PCDHA6: variants seen among roughly 807,000 people sequenced by gnomAD.
The protein encoded by PCDHA6 is protocadherin alpha-6.
PCDHA6 carries 55 observed loss-of-function variants against 60.3 expected under a neutral mutation model. The ratio of observed to expected loss-of-function variants is 0.91; its 90% CI spans 0.73 to 1.14. PCDHA6 has a LOEUF of 1.14. Ranked by LOEUF, PCDHA6 falls within the 50% of genes most tolerant of loss-of-function variation. The pLI is 0.00. For missense variants in PCDHA6, 1,327 were observed against 1,256.5 expected, an observed-to-expected ratio of 1.06 and a Z score of -0.85; for synonymous variants, 652 against 557.9, an observed-to-expected ratio of 1.17 and a Z score of -2.38.
intron 1 of PCDHA6, chr5:140,877,379 TC>T (rs1169435329): frequency 1.9e-6 from 3 of 1,613,950 alleles, no homozygotes. Flanking sequence ...ACGACACGCA[TC>T]CTGGATGAGG....
intron 1 of PCDHA6, chr5:140,841,595 C>A (rs2150318765): frequency 1.9e-6 from 3 of 1,614,058 alleles, no homozygotes; most frequent in Non-Finnish European, 2.5e-6. Flanking sequence ...TCGGATCGAC[C>A]GCGAGGAGCT....
intron 1 of PCDHA6, chr5:140,883,393 C>T (rs781845683): frequency 1.2e-6 from 2 of 1,614,160 alleles, no homozygotes; most frequent in South Asian, 2.2e-5. Flanking sequence ...TCAGTGTGTC[C>T]GATCGTGACT....
intron 1 of PCDHA6, chr5:140,864,380 A>C (rs1581715525): frequency 6.6e-6 from 1 of 152,354 alleles, no homozygotes; most frequent in East Asian, 1.9e-4. Flanking sequence ...CGATAAGTTT[A>C]TCTCTCACAA....
chr5:140,984,365 C>G (rs2097099251), intron 3 of PCDHA6, among the ~76,000 whole-genome samples: 1 of 152,128 alleles, frequency 6.6e-6, no homozygotes. Flanking sequence ...TACATCTGGC[C>G]AAGTCCCTCT....
chr5:140,853,169 G>C lies in PCDHA6; in HGVS notation c.2394+22684G>C, dbSNP rs1002466846. 32 of 959,704 alleles carry C rather than the reference G, an allele frequency of 3.3e-5. 1 individual carries two copies. The South Asian group carries it at 1.3e-3, about 40-fold the overall frequency. 59.4% of individuals were successfully genotyped at this position (959,704 alleles called of 1,614,324 possible). ...GCTGGGATTACAGGCGTGAGCCACC[G>C]CGCCTGGCCTAAAATGTGTTCTTTA... On this transcript the variant is annotated intron_variant, in intron 1 of 3. Transcript: ENST00000529310.
At chr5:140,975,027 C>G (rs1235916815) in intron 1 of PCDHA6, among the ~76,000 whole-genome samples, 1 of 152,082 alleles carries the variant, frequency 6.6e-6, no homozygotes, top group Non-Finnish European at 1.5e-5. Flanking sequence ...GCTGTGTTGT[C>G]CTTTGCAGGC....
Position 140,828,334 on chromosome 5 carries a change from T to C in PCDHA6, c.243T>C (p.Asn81=), listed in dbSNP as rs2150154149. ...ACCTTCTGGAGGTAAATCTGCAGAATGGCATTTTGTTTGTGAATTCTCGGA... is the reference window on the plus strand; with the variant it reads ...ACCTTCTGGAGGTAAATCTGCAGAACGGCATTTTGTTTGTGAATTCTCGGA... The part of the protein sequence containing the change: ...REDLLEVNLQ[N]GILFVNSRID... The change falls in exon 1 of 4, where the codon AAT becomes AAC. Residue 81 remains asparagine, a synonymous_variant. Transcript: ENST00000529310. 1.9e-6 allele frequency: 3 copies of C among 1,614,224 alleles called. No individual in the cohort carries two copies. The highest frequency in any genetic ancestry group is 4.5e-5 in the East Asian group (2 of 44,886).
At chr5:140,916,264 A>G (rs1455161672) in intron 1 of PCDHA6, among the ~76,000 whole-genome samples, 1 of 152,200 alleles carries the variant, frequency 6.6e-6, no homozygotes, top group East Asian at 1.9e-4. Flanking sequence ...CCCCAAGAGC[A>G]TGCTTGTTGC....
intron 1 of PCDHA6, chr5:140,853,984 T>A: frequency 1.9e-6 from 1 of 534,780 alleles, no homozygotes; most frequent in Non-Finnish European, 2.5e-6. Context: ...ACCAATGTAG[T>A]GAGACTCATC....
At chr5:140,896,672 C>T (rs912022786) in intron 1 of PCDHA6, among the ~76,000 whole-genome samples, 7 of 152,028 alleles carry the variant, frequency 4.6e-5, no homozygotes, top group Middle Eastern at 3.2e-3. Flanking sequence ...TCACTGTGCC[C>T]GGCCCTTTGC....
rs1554166675 is a variant in PCDHA6 at position 140,873,309 on chromosome 5, T to C, written c.2394+42824T>C. ...TGAAACTTTATAAATATAATAAAGG[T>C]GAATATTAGATAGGGCATACATTAC... On this transcript the variant is annotated intron_variant, in intron 1 of 3. Transcript: ENST00000529310. Among the ~76,000 whole-genome samples, 4 of 152,264 alleles carry C rather than the reference T, an allele frequency of 2.6e-5. No individual in the cohort carries two copies. The East Asian group carries it at 5.8e-4, about 22-fold the overall frequency.
chr5:140,857,986 A>G (rs782102316), intron 1 of PCDHA6: 4 of 1,596,686 alleles, frequency 2.5e-6, no homozygotes, highest in East Asian at 2.2e-5. Flanking sequence ...GCCAGCGCCT[A>G]CTGGTGCTGG....
chr5:140,906,846 G>T (rs2072987315), intron 1 of PCDHA6, among the ~76,000 whole-genome samples: 1 of 152,186 alleles, frequency 6.6e-6, no homozygotes, highest in Non-Finnish European at 1.5e-5. Context: ...CATCTTGAGA[G>T]TCTGGGTCAG....
chr5:140,897,722 T>G (rs1236534951), intron 1 of PCDHA6, among the ~76,000 whole-genome samples: 10 of 152,162 alleles, frequency 6.6e-5, no homozygotes, highest in Admixed American at 6.5e-4. Context: ...GATGGCTGGG[T>G]CAAATAGTAT....
At chr5:140,849,614 T>C (rs2040994208) in intron 1 of PCDHA6, 1 of 1,598,700 alleles carries the variant, frequency 6.3e-7, no homozygotes, top group East Asian at 2.2e-5. Flanking sequence ...CCCTGATTAG[T>C]GTGATCGACC....
chr5:140,926,659 C>T, intron 1 of PCDHA6: 1 of 531,904 alleles, frequency 1.9e-6, no homozygotes, highest in Non-Finnish European at 3.0e-6. Context: ...CTCCGCTTTC[C>T]CAGACGGCTG....
intron 1 of PCDHA6, among the ~76,000 whole-genome samples, chr5:140,888,156 A>G (rs556908449): frequency 6.6e-6 from 1 of 152,182 alleles, no homozygotes; most frequent in African/African-American, 2.4e-5. Flanking sequence ...CATGACTGGT[A>G]ATCTCTAATA....
intron 1 of PCDHA6, among the ~76,000 whole-genome samples, chr5:140,889,948 A>G (rs956594809): frequency 6.6e-6 from 1 of 152,194 alleles, no homozygotes; most frequent in Admixed American, 6.6e-5. Flanking sequence ...TGAGAAGCCA[A>G]ATGGATAGAA....
At chr5:140,854,998 A>G (rs2043301191) in intron 1 of PCDHA6, among the ~76,000 whole-genome samples, 1 of 149,868 alleles carries the variant, frequency 6.7e-6, no homozygotes, top group East Asian at 1.9e-4. Flanking sequence ...TTGCCCGTGT[A>G]AGATATTATA....
Sources: allele counts gnomAD v4.1 joint callset (sites outside exome capture counted in the v4.1 genomes callset), GRCh38; gene constraint gnomAD v4.1.1; transcripts MANE v1.5; gene names NCBI Gene and HGNC (gene_info 2026-07-23, HGNC 2026-07-21).